SDK1: variants seen among roughly 807,000 people sequenced by gnomAD.
SDK1 encodes the protein protein sidekick-1.
Under a neutral mutation model 245.5 loss-of-function variants are expected in SDK1, and 157 were observed. The ratio of observed to expected loss-of-function variants is 0.64; its 90% confidence interval spans 0.56 to 0.73. The LOEUF (loss-of-function observed/expected upper bound fraction) is 0.73, where lower values mean the gene tolerates loss of function less well. SDK1 is among the 30% of genes least tolerant of loss of function. The probability of loss-of-function intolerance (pLI) is 0.00; values close to 1 mark genes in which losing one functional copy is unlikely to be tolerated. For synonymous variants in SDK1, 1,647 were observed against 1,278.5 expected (o/e 1.29, Z -6.15); for missense variants, 3,583 against 3,002.3 (o/e 1.19, Z -4.52).
intron 1 of SDK1, among the ~76,000 whole-genome samples, chr7:3,556,942 C>T (rs560806393): frequency 6.6e-6 from 1 of 152,144 alleles, no homozygotes; most frequent in Admixed American, 6.5e-5. Context: ...CACAATATCT[C>T]ATGTACCCCT....
intron 4 of SDK1, among the ~76,000 whole-genome samples, chr7:3,760,760 T>C (rs575905898): frequency 6.6e-6 from 1 of 152,352 alleles, no homozygotes; most frequent in Non-Finnish European, 1.5e-5. Flanking sequence ...GACTTTTCCG[T>C]TTTTGCCTTT....
chr7:3,560,962 G>A (rs2222868), intron 1 of SDK1, among the ~76,000 whole-genome samples: 99,760 of 152,016 alleles, frequency 0.66, 33,418 homozygotes, highest in African/African-American at 0.79. Context: ...CTACAATTTC[G>A]CACCAACCCC....
rs1785931563 is a variant in SDK1, at chr7:4,011,193, G to A, written c.2279+80G>A. 20 of 1,521,780 alleles carry A rather than the reference G, an allele frequency of 1.3e-5. No individual in the cohort carries two copies. The South Asian group carries it at 2.2e-4, about 17-fold the overall frequency. The allele number at this position is 1,521,780 out of a possible 1,614,324, so 94.3% of individuals were successfully genotyped here. On this transcript the variant is annotated intron_variant, in intron 15 of 44. Transcript: ENST00000404826. ...AAAGAGAAGCATCACATTATGTGGT[G>A]GAATTGATCACAGCAACCCGCTGGC...
At chr7:3,793,121 T>C (rs970223367) in intron 4 of SDK1, among the ~76,000 whole-genome samples, 2 of 152,204 alleles carry the variant, frequency 1.3e-5, no homozygotes, top group South Asian at 2.1e-4. Flanking sequence ...TGTGCTGTTA[T>C]GAAAAATATC....
At chr7:3,374,974 C>G (rs997437763) in intron 1 of SDK1, among the ~76,000 whole-genome samples, 4 of 152,084 alleles carry the variant, frequency 2.6e-5, no homozygotes, top group African/African-American at 7.3e-5. Flanking sequence ...TATCTAACAC[C>G]TGTAATTGTA....
intron 7 of SDK1, among the ~76,000 whole-genome samples, chr7:3,952,740 T>G (rs1780933893): frequency 6.6e-6 from 1 of 151,992 alleles, no homozygotes; most frequent in Middle Eastern, 3.4e-3. Flanking sequence ...GGGCGACATA[T>G]TATTCCTGAA....
chr7:3,861,885 A>C (rs909473940), intron 5 of SDK1, among the ~76,000 whole-genome samples: 1 of 152,212 alleles, frequency 6.6e-6, no homozygotes, highest in South Asian at 2.1e-4. Flanking sequence ...TATCTGTCCC[A>C]GTGTAAAGGT....
intron 25 of SDK1, among the ~76,000 whole-genome samples, chr7:4,116,280 G>C (rs1248393286): frequency 6.6e-6 from 1 of 152,182 alleles, no homozygotes. Flanking sequence ...TCCGTGCCAG[G>C]TGCTGCAATG....
At chr7:3,484,167 G>A (rs1238356832) in intron 1 of SDK1, among the ~76,000 whole-genome samples, 1 of 152,164 alleles carries the variant, frequency 6.6e-6, no homozygotes, top group Non-Finnish European at 1.5e-5. Context: ...GCATGCTCCA[G>A]TCCACAGGTG....
chr7:4,123,779 T>G (rs1176107610), intron 25 of SDK1, among the ~76,000 whole-genome samples: 1 of 151,074 alleles, frequency 6.6e-6, no homozygotes, highest in East Asian at 1.9e-4. Context: ...TCACTGGGGG[T>G]TTTCTATTTT....
chr7:4,067,797 G>A (rs1344455457), intron 19 of SDK1, 41 bp from the exon 20 acceptor site: 1 of 1,470,060 alleles, frequency 6.8e-7, no homozygotes, highest in African/African-American at 1.4e-5. Flanking sequence ...AAGAAAATTT[G>A]GGCTATTGTG....
intron 1 of SDK1, among the ~76,000 whole-genome samples, chr7:3,465,154 G>T (rs1278686218): frequency 6.6e-6 from 1 of 152,074 alleles, no homozygotes; most frequent in Non-Finnish European, 1.5e-5. Context: ...CTGCACTTCC[G>T]TGTGACAAGT....
chr7:4,077,059 C>T lies in SDK1; in HGVS notation c.3072C>T (p.Asn1024=). The change falls in exon 21 of 45, where the codon AAC becomes AAT. Residue 1024 remains asparagine, a synonymous_variant. Coordinates refer to ENST00000404826, the MANE Select transcript of SDK1 (RefSeq NM_152744.4). ...RNDSRLTHTL[N]STTHEYKIQG... ...ACTCTCGTCTCACGCACACCCTGAA[C>T]AGCACGACGCACGAGTACAAGATCC... 6.2e-7 allele frequency: 1 copy of T among 1,614,226 alleles called. No homozygotes were observed.
chr7:4,006,078 GA>G (rs1278775762), intron 14 of SDK1, among the ~76,000 whole-genome samples: 3 of 152,072 alleles, frequency 2.0e-5, no homozygotes, highest in East Asian at 1.9e-4. Context: ...AAAAAGAAAA[GA>G]AAAAAATACC....
Position 4,208,114 on chromosome 7 carries a change from G to T in SDK1, c.5230G>T (p.Ala1744Ser). 1 of 1,613,174 alleles carries T rather than the reference G, an allele frequency of 6.2e-7. No individual in the cohort carries two copies. The highest frequency in any genetic ancestry group is 8.5e-7 in the Non-Finnish European group (1 of 1,179,646). The change falls in exon 37 of 45, where the codon GCA (alanine) becomes TCA (serine). Residue 1744 changes from alanine (A) to serine (S), a missense_variant. By Grantham distance (99) the Ala-to-Ser change is moderately conservative (BLOSUM62 1). Coordinates refer to ENST00000404826, the MANE Select transcript of SDK1 (RefSeq NM_152744.4). ...IQGYKIYYWE[A>S]DSQNETEKMK... ...TTCCTAACAGATTTACTACTGGGAGGCAGACAGCCAGAACGAAACGGAGAA... is the reference window on the plus strand; with the variant it reads ...TTCCTAACAGATTTACTACTGGGAGTCAGACAGCCAGAACGAAACGGAGAA...
chr7:3,702,820 AG>A (rs1784777386), intron 4 of SDK1, among the ~76,000 whole-genome samples: 1 of 152,220 alleles, frequency 6.6e-6, no homozygotes, highest in South Asian at 2.1e-4. Flanking sequence ...TTTGCAAAAG[AG>A]GGTCTGTAGA....
chr7:4,236,784 G>T (rs931925255), intron 41 of SDK1, among the ~76,000 whole-genome samples: 1 of 152,142 alleles, frequency 6.6e-6, no homozygotes, highest in African/African-American at 2.4e-5. Flanking sequence ...CAGGCAGGAG[G>T]TGGTGACGGA....
intron 5 of SDK1, among the ~76,000 whole-genome samples, chr7:3,889,366 G>C (rs796495988): frequency 7.9e-5 from 12 of 152,358 alleles, no homozygotes; most frequent in African/African-American, 2.2e-4. Flanking sequence ...GGCTCTCCCA[G>C]GACAGTGAAT....
At chr7:3,505,611 T>A (rs980110312) in intron 1 of SDK1, among the ~76,000 whole-genome samples, 4 of 152,216 alleles carry the variant, frequency 2.6e-5, no homozygotes, top group Non-Finnish European at 5.9e-5. Context: ...TAGTATATAG[T>A]TGGCCCTTGA....
Sources: allele counts gnomAD v4.1 joint callset (sites outside exome capture counted in the v4.1 genomes callset), GRCh38; gene constraint gnomAD v4.1.1; transcripts MANE v1.5; gene names NCBI Gene and HGNC (gene_info 2026-07-23, HGNC 2026-07-21).